PROS1: variants seen among roughly 807,000 people sequenced by gnomAD.
PROS1 encodes the protein vitamin K-dependent protein S.
In PROS1, 29 loss-of-function variants were observed where a neutral mutation model predicts 75.9. The observed-to-expected ratio is 0.38, with a 90% CI of 0.28 to 0.52. The LOEUF is 0.52. Ranked by LOEUF, PROS1 falls within the 20% of genes least tolerant of loss-of-function variation. The pLI is 0.83. For synonymous variants in PROS1, 245 were observed against 280.6 expected (o/e 0.87, Z 1.27); for missense variants, 680 against 810.3 (o/e 0.84, Z 1.95).
At chr3:93,927,083 C>T (rs1392238676) in intron 2 of PROS1, among the ~76,000 whole-genome samples, 167 bp downstream of exon 2, 4 of 152,148 alleles carry the variant, frequency 2.6e-5, no homozygotes, top group Non-Finnish European at 5.9e-5. Context: ...AACAAGCCCA[C>T]TTTCCTTTGA....
chr3:93,897,372 T>G (rs1277574340), intron 8 of PROS1, among the ~76,000 whole-genome samples: 1 of 152,064 alleles, frequency 6.6e-6, no homozygotes, highest in Non-Finnish European at 1.5e-5. Context: ...ATGAGGATAT[T>G]TTGAGGAGAA....
chr3:93,940,019 G>A (rs1012969530), intron 1 of PROS1, among the ~76,000 whole-genome samples: 21 of 152,330 alleles, frequency 1.4e-4, no homozygotes, highest in African/African-American at 3.4e-4. Flanking sequence ...ACTTCAAAAC[G>A]CCTAAGCCAC....
intron 1 of PROS1, among the ~76,000 whole-genome samples, chr3:93,938,948 C>A (rs1346712193): frequency 6.6e-6 from 1 of 152,076 alleles, no homozygotes; most frequent in African/African-American, 2.4e-5. Context: ...GGGCTGCTCA[C>A]CACCCCCCTT....
At chr3:93,972,082 C>CT (rs1709890076) in intron 1 of PROS1, among the ~76,000 whole-genome samples, 1 of 152,118 alleles carries the variant, frequency 6.6e-6, no homozygotes, top group Admixed American at 6.6e-5. Flanking sequence ...TTACCTCTGC[C>CT]TAGATTCAGT....
At chr3:93,961,573 G>A (rs1709706073) in intron 1 of PROS1, among the ~76,000 whole-genome samples, 1 of 152,186 alleles carries the variant, frequency 6.6e-6, no homozygotes, top group South Asian at 2.1e-4. Flanking sequence ...GTGAGATTCT[G>A]AGCAACTTAA....
intron 4 of PROS1, among the ~76,000 whole-genome samples, chr3:93,908,594 T>C (rs1708710885): frequency 6.6e-6 from 1 of 152,194 alleles, no homozygotes; most frequent in African/African-American, 2.4e-5. Flanking sequence ...GGCTGAATGA[T>C]GATTTGCACA....
chr3:93,949,621 TA>T (rs1709460983), intron 1 of PROS1, among the ~76,000 whole-genome samples: 2 of 151,712 alleles, frequency 1.3e-5, no homozygotes, highest in African/African-American at 4.8e-5. Flanking sequence ...AAAGCTCTAC[TA>T]AAAAAATAAA....
At chr3:93,960,579 CTA>C (rs2107259665) in intron 1 of PROS1, among the ~76,000 whole-genome samples, 1 of 98,254 alleles carries the variant, frequency 1.0e-5, no homozygotes, top group East Asian at 3.4e-4. Flanking sequence ...ACTTTGGATG[CTA>C]TGTGTTCCAG....
chr3:93,943,805 CTGA>C (rs1576207859), intron 1 of PROS1, among the ~76,000 whole-genome samples: 2 of 152,170 alleles, frequency 1.3e-5, no homozygotes, highest in Non-Finnish European at 2.9e-5. Flanking sequence ...CCTGCCTTAA[CTGA>C]TGACTTTACC....
chr3:93,928,727 T>C (rs1709063635), intron 1 of PROS1: 1 of 1,292,942 alleles, frequency 7.7e-7, no homozygotes, highest in South Asian at 1.2e-5. Context: ...AAAAATTGCA[T>C]CCAGATAAGC....
intron 1 of PROS1, among the ~76,000 whole-genome samples, chr3:93,954,899 A>G (rs1709572171): frequency 6.6e-6 from 1 of 152,258 alleles, no homozygotes; most frequent in African/African-American, 2.4e-5. Context: ...AAACAACCCC[A>G]TCAAAAAGTG....
chr3:93,958,435 A>T (rs895431808), intron 1 of PROS1: 14 of 152,250 alleles, frequency 9.2e-5, no homozygotes, highest in African/African-American at 3.4e-4. Flanking sequence ...TAAAATTCCA[A>T]CATCTGTCAA....
intron 3 of PROS1, chr3:93,910,922 T>C: frequency 1.9e-6 from 1 of 537,690 alleles, no homozygotes; most frequent in East Asian, 3.3e-5. Flanking sequence ...AAAAAATAAG[T>C]CTGTGACAGC....
At position 93,934,953 on chromosome 3, in the gene PROS1, C is replaced by T. The variant is rs539946992; in HGVS notation, c.77-7546G>A. ...TTTCTAGGAAAAAAAAAAAAAGTCA[C>T]TCTGGCGTTGTTTCCACAGATTAAA... On this transcript the variant is annotated intron_variant, in intron 1 of 14. Coordinates refer to ENST00000394236, the MANE Select transcript of PROS1 (RefSeq NM_000313.4). Among the ~76,000 whole-genome samples the T allele has an allele frequency of 2.6e-5, 4 of 151,666 alleles. No homozygotes were observed. In the East Asian group the frequency reaches 7.7e-4, roughly 29 times the overall value.
intron 1 of PROS1, among the ~76,000 whole-genome samples, chr3:93,966,872 T>C (rs1345627909): frequency 4.6e-5 from 7 of 151,936 alleles, no homozygotes; most frequent in Non-Finnish European, 1.0e-4. Flanking sequence ...CTTACCATGT[T>C]GGGATGTGCG....
Position 93,952,354 on chromosome 3 carries a change from A to G in PROS1, c.76+21320T>C, listed in dbSNP as rs554028388. On this transcript the variant is annotated intron_variant, in intron 1 of 14. Transcript: ENST00000394236. ...AAAAGCACTCCTCAGCAAATCTAAA[A>G]GAACAGAAATTATAACAAACTGTCT... Among the ~76,000 whole-genome samples, 13 of 152,326 alleles carry G rather than the reference A, an allele frequency of 8.5e-5. No homozygotes were observed. The South Asian group carries it at 2.5e-3, about 29-fold the overall frequency.
At chr3:93,902,135 C>A (rs1248217443) in intron 6 of PROS1, among the ~76,000 whole-genome samples, 16 of 151,206 alleles carry the variant, frequency 1.1e-4, no homozygotes, top group African/African-American at 3.6e-4. Flanking sequence ...ATATTAAAAA[C>A]AAAAAAGGAA....
intron 6 of PROS1, among the ~76,000 whole-genome samples, chr3:93,905,288 T>A (rs1708656410): frequency 1.3e-5 from 2 of 152,002 alleles, no homozygotes; most frequent in South Asian, 2.1e-4. Flanking sequence ...AATAAGAAAA[T>A]TTTTAAAAAT....
chr3:93,948,969 G>T (rs770122995), intron 1 of PROS1, among the ~76,000 whole-genome samples: 3 of 152,114 alleles, frequency 2.0e-5, no homozygotes, highest in Non-Finnish European at 4.4e-5. Context: ...TTAAAAATGT[G>T]CCAGAGAAAT....
Sources: allele counts gnomAD v4.1 joint callset (sites outside exome capture counted in the v4.1 genomes callset), GRCh38; gene constraint gnomAD v4.1.1; transcripts MANE v1.5; gene names NCBI Gene and HGNC (gene_info 2026-07-23, HGNC 2026-07-21).